Variants in NCKAP5 observed in about 807,000 individuals in gnomAD.
NCKAP5 encodes nck-associated protein 5.
NCKAP5 carries 92 observed loss-of-function variants against 167.0 expected under a neutral mutation model. The observed-to-expected ratio is 0.55, with a 90% confidence interval of 0.47 to 0.66. The LOEUF is 0.66. Ranked by LOEUF, NCKAP5 falls within the 30% of genes least tolerant of loss-of-function variation. The probability of loss-of-function intolerance (pLI) is 0.00; values close to 1 mark genes in which losing one functional copy is unlikely to be tolerated. For missense variants in NCKAP5, 2,378 were observed against 2,315.0 expected (o/e 1.03, Z -0.56); for synonymous variants, 891 against 877.4 (o/e 1.02, Z -0.27).
intron 6 of NCKAP5, among the ~76,000 whole-genome samples, chr2:133,108,545 TA>T (rs2081797741): frequency 6.6e-6 from 1 of 152,220 alleles, no homozygotes; most frequent in African/African-American, 2.4e-5. Flanking sequence ...TTTCCTTACA[TA>T]AAAATTCATT....
At chr2:132,820,125 G>A (rs1401395936) in intron 11 of NCKAP5, among the ~76,000 whole-genome samples, 1 of 152,136 alleles carries the variant, frequency 6.6e-6, no homozygotes, top group African/African-American at 2.4e-5. Context: ...ATCAGAGGAT[G>A]AAAGCTTTAT....
intron 16 of NCKAP5, 39 bp from the exon 17 acceptor site, chr2:132,732,090 G>C (rs768969956): frequency 3.9e-6 from 6 of 1,537,692 alleles, no homozygotes; most frequent in African/African-American, 1.4e-5. Context: ...AATAGAGAAG[G>C]CTCACATAAA....
At chr2:133,434,067 A>G (rs1183948126) in intron 3 of NCKAP5, among the ~76,000 whole-genome samples, 1 of 152,104 alleles carries the variant, frequency 6.6e-6, no homozygotes, top group Non-Finnish European at 1.5e-5. Flanking sequence ...GCATTCTCTC[A>G]TTGTTCCAGA....
intron 4 of NCKAP5, among the ~76,000 whole-genome samples, chr2:133,298,056 T>C (rs2150547155): frequency 6.6e-6 from 1 of 152,308 alleles, no homozygotes; most frequent in South Asian, 2.1e-4. Context: ...CCAGAAAGGA[T>C]TTCCTACACT....
chr2:132,740,807 AG>A (rs773122738), intron 16 of NCKAP5, among the ~76,000 whole-genome samples: 45 of 152,224 alleles, frequency 3.0e-4, no homozygotes, highest in Middle Eastern at 3.4e-3. Flanking sequence ...TGAGTTGCAT[AG>A]GGGATGAATA....
chr2:133,007,953 G>C (rs944859203), intron 6 of NCKAP5, among the ~76,000 whole-genome samples: 19 of 152,202 alleles, frequency 1.2e-4, no homozygotes, highest in Non-Finnish European at 2.9e-5. Flanking sequence ...TGCTAGGGTA[G>C]CTGGTAAACT....
intron 19 of NCKAP5, among the ~76,000 whole-genome samples, chr2:132,689,659 T>A (rs1454012632): frequency 6.6e-6 from 1 of 152,164 alleles, no homozygotes; most frequent in African/African-American, 2.4e-5. Context: ...TCATCTGTCA[T>A]CTGTCATCCC....
At chr2:133,529,349 G>A (rs1454296565) in intron 2 of NCKAP5, among the ~76,000 whole-genome samples, 2 of 151,862 alleles carry the variant, frequency 1.3e-5, no homozygotes, top group East Asian at 3.9e-4. Flanking sequence ...TATATAAGTG[G>A]CATTGACATC....
chr2:132,786,756 G>A (rs1398286085), intron 13 of NCKAP5, among the ~76,000 whole-genome samples: 1 of 152,190 alleles, frequency 6.6e-6, no homozygotes, highest in East Asian at 1.9e-4. Context: ...GAGACTCATT[G>A]TTGGGTCTGT....
chr2:132,820,304 A>C lies in NCKAP5; in HGVS notation c.808-23575T>G, dbSNP rs897892396. 5.9e-5 allele frequency among the ~76,000 whole-genome samples: 9 copies of C among 151,728 alleles called. 1 individual carries two copies. Among genetic ancestry groups the C allele is most frequent in the Admixed American group, 5.9e-4 (9 of 15,238 alleles). On this transcript the variant is annotated intron_variant, in intron 11 of 19. Transcript: ENST00000409261. ...GAGTGTGGTGGTGCAATCTCAGCTC[A>C]CTGCAAACTCTGCCTTCCGGGTTCA...
At chr2:133,335,002 C>A (rs1192017159) in intron 3 of NCKAP5, among the ~76,000 whole-genome samples, 1 of 152,174 alleles carries the variant, frequency 6.6e-6, no homozygotes. Context: ...AATAATGACA[C>A]ACATTTGCTG....
At chr2:133,153,444 T>C (rs1455808192) in intron 5 of NCKAP5, among the ~76,000 whole-genome samples, 2 of 152,168 alleles carry the variant, frequency 1.3e-5, no homozygotes, top group Admixed American at 6.5e-5. Context: ...AATTTTTCTG[T>C]AAACTTAAAA....
At chr2:133,660,431 C>CA in the NCKAP5 span, among the ~76,000 whole-genome samples, 1 of 151,934 alleles carries the variant, frequency 6.6e-6, no homozygotes, top group Admixed American at 6.6e-5. Context: ...GAAAACACAG[C>CA]AAAAAGATTA....
the NCKAP5 span, among the ~76,000 whole-genome samples, chr2:133,655,531 G>A: frequency 1.3e-5 from 2 of 152,112 alleles, no homozygotes; most frequent in Admixed American, 6.5e-5. Context: ...GTACAGGTCT[G>A]CGATAGATTC....
chr2:133,105,728 C>T (rs1425652522), intron 6 of NCKAP5, among the ~76,000 whole-genome samples: 1 of 152,196 alleles, frequency 6.6e-6, no homozygotes, highest in Non-Finnish European at 1.5e-5. Context: ...TGGTGTTCAA[C>T]ATATGCCCTG....
chr2:133,176,808 G>A (rs1360362461), intron 5 of NCKAP5, among the ~76,000 whole-genome samples: 2 of 152,134 alleles, frequency 1.3e-5, no homozygotes, highest in African/African-American at 4.8e-5. Flanking sequence ...TTTCAGTGTG[G>A]TTACAGTCTC....
intron 11 of NCKAP5, among the ~76,000 whole-genome samples, chr2:132,806,996 C>T (rs1002531209): frequency 6.6e-6 from 1 of 152,164 alleles, no homozygotes; most frequent in Admixed American, 6.5e-5. Flanking sequence ...TATCCTAGCA[C>T]CATTTGTTGA....
rs1469110992 is a variant in NCKAP5 at position 133,150,279 on chromosome 2, A to G, written c.208-20168T>C. On this transcript the variant is annotated intron_variant, in intron 5 of 19. Coordinates refer to ENST00000409261, the MANE Select transcript of NCKAP5 (RefSeq NM_207363.3). ...GATGTGAACCTAGTGTATCCATACTATAGCGGATACCTGCCTGTCAGTCAC... is the reference window on the plus strand; with the variant it reads ...GATGTGAACCTAGTGTATCCATACTGTAGCGGATACCTGCCTGTCAGTCAC... Among the ~76,000 whole-genome samples the G allele has an allele frequency of 1.3e-5, 2 of 152,214 alleles. 1 individual carries two copies. Among genetic ancestry groups the G allele is most frequent in the Middle Eastern group, 6.3e-3 (2 of 316 alleles).
chr2:132,920,659 T>TTATATA (rs371454572), intron 8 of NCKAP5, among the ~76,000 whole-genome samples: 6,928 of 81,890 alleles, frequency 0.085, 1,190 homozygotes, highest in African/African-American at 0.31. Flanking sequence ...ATGGAAGAAC[T>TTATATA]TATATATATA....
Sources: allele counts gnomAD v4.1 joint callset (sites outside exome capture counted in the v4.1 genomes callset), GRCh38; gene constraint gnomAD v4.1.1; transcripts MANE v1.5; gene names NCBI Gene and HGNC (gene_info 2026-07-23, HGNC 2026-07-21).